The following AP2B1 variants were observed in gnomAD, a reference collection of about 807,000 sequenced individuals.
AP2B1 encodes adaptor related protein complex 2 subunit beta 1.
In AP2B1, 23 loss-of-function variants were observed where a neutral mutation model predicts 102.0. That is an observed-to-expected ratio of 0.23 (90% confidence interval 0.16 to 0.32). AP2B1 has a LOEUF of 0.32. Among genes scored for constraint, AP2B1 ranks in the 10% least tolerant of loss-of-function variants. The pLI is 1.00. For missense variants in AP2B1, 541 were observed against 1,157.4 expected, an observed-to-expected ratio of 0.47 and a Z score of 7.73; for synonymous variants, 381 against 421.2, an observed-to-expected ratio of 0.90 and a Z score of 1.17.
At chr17:35,685,607 T>A (rs2075914226) in intron 18 of AP2B1, among the ~76,000 whole-genome samples, 1 of 152,192 alleles carries the variant, frequency 6.6e-6, no homozygotes, top group Non-Finnish European at 1.5e-5. Flanking sequence ...TTTGGCTAAT[T>A]TAATATCAAT....
chr17:35,596,758 G>T lies in AP2B1; in HGVS notation c.38-1472G>T, dbSNP rs949961359. ...CACACCCAGAGCGGGCTGGTGGCGA[G>T]TACAGCGCCCGCAGCTGCGCCCCCT... On this transcript the variant is annotated intron_variant, in intron 2 of 21. Transcript: ENST00000610402. 1.2e-5 allele frequency: 7 copies of T among 565,212 alleles called. No individual in the cohort carries two copies. The Admixed American group carries it at 1.6e-4, about 13-fold the overall frequency. The allele number at this position is 565,212 out of a possible 1,614,324, so 35.0% of individuals were successfully genotyped here. A position where few individuals can be genotyped will look rare whatever the true frequency, so the allele number is the denominator to read the frequency against.
intron 14 of AP2B1, among the ~76,000 whole-genome samples, chr17:35,661,810 A>G (rs969019278): frequency 5.9e-5 from 9 of 152,040 alleles, no homozygotes. Context: ...GTTCTGTTTC[A>G]TCTTCTTTTA....
intron 1 of AP2B1, chr17:35,588,760 C>T (rs755012207): frequency 2.0e-5 from 3 of 152,156 alleles, no homozygotes; most frequent in Admixed American, 6.5e-5. Context: ...GTATCTTAGC[C>T]GTTGAAACTT....
intron 19 of AP2B1, among the ~76,000 whole-genome samples, chr17:35,709,511 G>A (rs1362482929): frequency 2.0e-5 from 3 of 152,122 alleles, no homozygotes; most frequent in African/African-American, 7.2e-5. Flanking sequence ...CTAAATCACA[G>A]TGCCCAATAT....
chr17:35,652,520 C>G (rs2075112719), intron 13 of AP2B1, among the ~76,000 whole-genome samples: 1 of 152,152 alleles, frequency 6.6e-6, no homozygotes, highest in Non-Finnish European at 1.5e-5. Flanking sequence ...GTCAGCTGCT[C>G]TATGGGGGTG....
chr17:35,687,237 G>A (rs1255236236), intron 18 of AP2B1, among the ~76,000 whole-genome samples: 7 of 151,438 alleles, frequency 4.6e-5, no homozygotes, highest in Non-Finnish European at 8.8e-5. Flanking sequence ...TCAGCCTCCC[G>A]AATAGCTGGG....
At chr17:35,711,410 CAAAA>C (rs782545206) in intron 20 of AP2B1, among the ~76,000 whole-genome samples, 1 of 114,532 alleles carries the variant, frequency 8.7e-6, no homozygotes. Flanking sequence ...GCACAGAAAG[CAAAA>C]AAAAAAAAAA....
At chr17:35,651,283 T>TAA (rs58170702) in intron 13 of AP2B1, among the ~76,000 whole-genome samples, 3 of 149,306 alleles carry the variant, frequency 2.0e-5, no homozygotes, top group South Asian at 2.1e-4. Context: ...TTGTTTTATT[T>TAA]AAAAAAAAAA....
intron 4 of AP2B1, among the ~76,000 whole-genome samples, chr17:35,607,343 T>C (rs2073715362): frequency 6.6e-6 from 1 of 152,248 alleles, no homozygotes; most frequent in Non-Finnish European, 1.5e-5. Flanking sequence ...TCTCATGAAC[T>C]TTTTGTTCTT....
At chr17:35,613,668 G>A (rs1157607839) in intron 5 of AP2B1, among the ~76,000 whole-genome samples, 3 of 152,180 alleles carry the variant, frequency 2.0e-5, no homozygotes, top group African/African-American at 7.2e-5. Context: ...TGCATGAAAA[G>A]TGCCCTGTAA....
chr17:35,588,794 T>C (rs1378641349), intron 1 of AP2B1: 1 of 152,256 alleles, frequency 6.6e-6, no homozygotes, highest in Non-Finnish European at 1.5e-5. Context: ...AAGGATGATG[T>C]ATAATGCAAA....
At chr17:35,640,989 C>G (rs190075746) in intron 11 of AP2B1, among the ~76,000 whole-genome samples, 160 of 152,254 alleles carry the variant, frequency 1.1e-3, no homozygotes, top group African/African-American at 3.3e-3. Flanking sequence ...AATTATTAAG[C>G]CCTTTTTTCT....
chr17:35,592,218 T>A (rs2073122943), intron 1 of AP2B1, among the ~76,000 whole-genome samples: 1 of 152,188 alleles, frequency 6.6e-6, no homozygotes, highest in African/African-American at 2.4e-5. Flanking sequence ...CATTATGTCA[T>A]ATTGACCTGA....
intron 1 of AP2B1, among the ~76,000 whole-genome samples, chr17:35,588,101 A>G (rs2072959508): frequency 6.6e-6 from 1 of 150,768 alleles, no homozygotes; most frequent in African/African-American, 2.4e-5. Flanking sequence ...GCTCTGCAGT[A>G]ATGGTCTGGT....
intron 3 of AP2B1, among the ~76,000 whole-genome samples, chr17:35,603,632 A>G (rs769262498): frequency 1.3e-5 from 2 of 152,236 alleles, no homozygotes; most frequent in Non-Finnish European, 2.9e-5. Flanking sequence ...TTAGAAATGT[A>G]CAAAATGAGC....
chr17:35,677,467 G>A (rs896791623), intron 17 of AP2B1, among the ~76,000 whole-genome samples: 2 of 152,000 alleles, frequency 1.3e-5, no homozygotes, highest in Admixed American at 6.6e-5. Context: ...TTTTGAGATC[G>A]TTTTTAAATA....
intron 21 of AP2B1, among the ~76,000 whole-genome samples, chr17:35,723,064 G>C (rs2085449363): frequency 6.6e-6 from 1 of 152,200 alleles, no homozygotes. Context: ...GTTATACTAA[G>C]TAAGTGTCTT....
chr17:35,653,473 T>C (rs538545940), intron 13 of AP2B1, among the ~76,000 whole-genome samples: 1 of 152,240 alleles, frequency 6.6e-6, no homozygotes, highest in South Asian at 2.1e-4. Flanking sequence ...TATTTGTTTG[T>C]TTGTTTTGTT....
intron 20 of AP2B1, among the ~76,000 whole-genome samples, chr17:35,714,405 C>G (rs1429393137): frequency 1.1e-4 from 16 of 152,210 alleles, no homozygotes; most frequent in African/African-American, 3.9e-4. Flanking sequence ...ATATGAGTAC[C>G]TGCTTCACCC....
Sources: allele counts gnomAD v4.1 joint callset (sites outside exome capture counted in the v4.1 genomes callset), GRCh38; gene constraint gnomAD v4.1.1; transcripts MANE v1.5; gene names NCBI Gene and HGNC (gene_info 2026-07-23, HGNC 2026-07-21).